The following OAF variants were observed in gnomAD, a reference collection of about 807,000 sequenced individuals.
OAF encodes the protein out at first homolog.
A neutral mutation model predicts 22.5 loss-of-function variants in OAF; 13 were observed. That is an observed-to-expected ratio of 0.58 (90% CI 0.38 to 0.92). OAF has a LOEUF of 0.92. Ranked by LOEUF, OAF falls within the 40% of genes least tolerant of loss-of-function variation. The pLI, the probability that OAF is intolerant of heterozygous loss-of-function variation, is 0.00. For synonymous variants in OAF, 175 were observed against 170.5 expected (o/e 1.03, Z -0.21); for missense variants, 347 against 381.8 (o/e 0.91, Z 0.76).
At chr11:120,221,600 C>G (rs1350851990) in intron 1 of OAF, among the ~76,000 whole-genome samples, 1 of 152,212 alleles carries the variant, frequency 6.6e-6, no homozygotes, top group Non-Finnish European at 1.5e-5. Context: ...AAGTAAATCC[C>G]TTCAAGGTTA....
intron 1 of OAF, among the ~76,000 whole-genome samples, chr11:120,223,784 G>C (rs952927510): frequency 1.1e-4 from 17 of 152,216 alleles, no homozygotes; most frequent in African/African-American, 3.9e-4. Flanking sequence ...ATCCAGATAG[G>C]CTTCTCTCCA....
chr11:120,213,546 C>T (rs1173420650), intron 1 of OAF, among the ~76,000 whole-genome samples: 1 of 152,182 alleles, frequency 6.6e-6, no homozygotes, highest in East Asian at 1.9e-4. Context: ...GTCCCTTTAA[C>T]TCCAGGTTTC....
chr11:120,223,483 T>G (rs76776957), intron 1 of OAF, among the ~76,000 whole-genome samples: 2 of 152,210 alleles, frequency 1.3e-5, no homozygotes, highest in Non-Finnish European at 2.9e-5. Flanking sequence ...CCTATACAAA[T>G]AGGAGATACA....
chr11:120,222,561 G>T (rs1047092887), intron 1 of OAF, among the ~76,000 whole-genome samples: 1 of 121,344 alleles, frequency 8.2e-6, no homozygotes, highest in African/African-American at 3.0e-5. Flanking sequence ...GTCTCCAAAA[G>T]AAAAAAAAAA....
chr11:120,228,821 T>TACCAACCCACAC, intron 3 of OAF, 47 bp from the exon 4 acceptor site: 1 of 520,280 alleles, frequency 1.9e-6, no homozygotes. Flanking sequence ...GGGAGCTCCT[T>TACCAACCCACAC]CCCTCCCTCC....
chr11:120,211,316 C>A lies in OAF; in HGVS notation c.37C>A (p.Leu13Met). 1.5e-6 allele frequency: 2 copies of A among 1,315,596 alleles called. No homozygotes were observed. Among genetic ancestry groups the A allele is most frequent in the Admixed American group, 3.5e-5 (1 of 28,472 alleles). 81.5% of individuals were successfully genotyped at this position (1,315,596 alleles called of 1,614,324 possible). Residue 13 changes from leucine to methionine, a missense_variant, in exon 1 of 4, where the codon CTG becomes ATG. Leu to Met is a conservative substitution (Grantham distance 15). Coordinates refer to ENST00000328965, the MANE Select transcript of OAF (RefSeq NM_178507.4). ...LPGVPLARPA[L>M]LLLLPLLAPL... ...CGGGGTACCCCTGGCGCGCCCTGCG[C>A]TGCTGCTGCTGCTGCCGCTGCTCGC...
intron 3 of OAF, 83 bp from the exon 4 acceptor site, chr11:120,228,785 G>C: frequency 9.2e-7 from 1 of 1,092,494 alleles, no homozygotes; most frequent in Non-Finnish European, 1.3e-6. Context: ...GAGACCAAGT[G>C]GGGAATGGCA....
chr11:120,215,290 G>A (rs1186712210), intron 1 of OAF, among the ~76,000 whole-genome samples: 1 of 152,200 alleles, frequency 6.6e-6, no homozygotes, highest in Admixed American at 6.5e-5. Flanking sequence ...GGAAGCGGAG[G>A]TTGCAGTGAG....
chr11:120,220,368 G>A (rs61898284), intron 1 of OAF, among the ~76,000 whole-genome samples: 6,886 of 152,086 alleles, frequency 0.045, 215 homozygotes, highest in Admixed American at 0.11. Context: ...CATTCCCACC[G>A]CTTTTCTCAG....
In OAF at chr11:120,228,934, G is replaced by T; in HGVS notation, c.614G>T (p.Arg205Met). ...ASEQAELPRC[R>M]QVGDHGKPCV... is the part of the protein sequence containing the mutation. ...GAGCAGGCGGAGCTGCCTCGCTGCA[G>T]GCAGGTGGGGGACCACGGGAAGCCC... Residue 205 changes from arginine (R) to methionine (M), a missense_variant, in exon 4 of 4, where the codon AGG (arginine) becomes ATG (methionine). By Grantham distance (91) the Arg-to-Met change is moderately conservative. Transcript: ENST00000328965. 6.2e-7 allele frequency: 1 copy of T among 1,610,186 alleles called. No individual in the cohort carries two copies.
intron 3 of OAF, among the ~76,000 whole-genome samples, chr11:120,228,001 G>T (rs575913288): frequency 6.6e-6 from 1 of 151,890 alleles, no homozygotes; most frequent in South Asian, 2.1e-4. Flanking sequence ...TTTCCCATTT[G>T]ATCCAAGCCC....
intron 1 of OAF, among the ~76,000 whole-genome samples, chr11:120,215,141 C>T (rs947585449): frequency 5.9e-5 from 9 of 151,952 alleles, no homozygotes; most frequent in South Asian, 4.2e-4. Flanking sequence ...GTCAGCAGTT[C>T]GAGACCAGCC....
chr11:120,214,905 C>T (rs770979831), intron 1 of OAF, among the ~76,000 whole-genome samples: 4 of 152,246 alleles, frequency 2.6e-5, no homozygotes, highest in Non-Finnish European at 5.9e-5. Context: ...CGAGCCACAG[C>T]TCTGAAAGAA....
intron 1 of OAF, among the ~76,000 whole-genome samples, chr11:120,217,857 T>G (rs1342665552): frequency 6.6e-6 from 1 of 152,242 alleles, no homozygotes; most frequent in Non-Finnish European, 1.5e-5. Flanking sequence ...AGCATGTTGC[T>G]GCAGCTGCTG....
chr11:120,215,875 G>T (rs570123846), intron 1 of OAF, among the ~76,000 whole-genome samples: 1 of 152,168 alleles, frequency 6.6e-6, no homozygotes, highest in Non-Finnish European at 1.5e-5. Context: ...TATGAAGAAG[G>T]TCATGTGTGA....
intron 1 of OAF, among the ~76,000 whole-genome samples, chr11:120,219,490 T>A (rs1249592917): frequency 6.6e-6 from 1 of 152,130 alleles, no homozygotes; most frequent in Non-Finnish European, 1.5e-5. Flanking sequence ...CGCTATCCCC[T>A]GGGATCCAGG....
chr11:120,220,249 A>G (rs960488004), intron 1 of OAF, among the ~76,000 whole-genome samples: 6 of 152,176 alleles, frequency 3.9e-5, no homozygotes, highest in African/African-American at 1.4e-4. Context: ...GAGAGGCACA[A>G]GAGGAAGCCT....
rs762124262 is a variant in OAF at position 120,229,049 on chromosome 11, T to C, written c.729T>C (p.Cys243=). Residue 243 remains cysteine (C), a synonymous_variant, in exon 4 of 4, where the codon TGT becomes TGC. Transcript: ENST00000328965. ...GCGACCGGCCCACGCCCTACAAGTG[T>C]GGCATCCGCAGCTGCCAGAAGAGCT... is the stretch of plus-strand genomic sequence containing the variant. The part of the protein sequence containing the change: ...HSRDRPTPYK[C]GIRSCQKSYS... The C allele has an allele frequency of 6.2e-7, 1 of 1,613,570 alleles. No homozygotes were observed. Among genetic ancestry groups the C allele is most frequent in the South Asian group, 1.1e-5 (1 of 91,070 alleles).
chr11:120,226,252 C>T (rs1443655434), intron 2 of OAF, among the ~76,000 whole-genome samples: 1 of 152,360 alleles, frequency 6.6e-6, no homozygotes. Flanking sequence ...ACAATTTTCT[C>T]ACTGAAACTG....
Sources: gnomAD v4.1 joint callset for allele counts (sites outside exome capture counted in the v4.1 genomes callset) on GRCh38, gnomAD v4.1.1 for gene constraint, MANE v1.5 for transcripts, NCBI Gene and HGNC (gene_info 2026-07-23, HGNC 2026-07-21) for gene names.